Variants in EBF3 observed in about 807,000 individuals in gnomAD.
EBF3 encodes the protein EBF transcription factor 3.
EBF3 carries 18 observed loss-of-function variants against 77.1 expected under a neutral mutation model. The observed-to-expected ratio is 0.23, with a 90% CI of 0.16 to 0.35. The LOEUF (loss-of-function observed/expected upper bound fraction) is 0.35, where lower values mean the gene tolerates loss of function less well. EBF3 is among the 10% of genes least tolerant of loss of function. EBF3 has a pLI of 1.00. For missense variants in EBF3, 558 were observed against 860.0 expected (o/e 0.65, Z 4.39); for synonymous variants, 350 against 343.5 (o/e 1.02, Z -0.21).
At position 129,870,047 on chromosome 10, in the gene EBF3, A is replaced by AG. The variant is rs1375301900; in HGVS notation, c.782-2136dup. Among the ~76,000 whole-genome samples the AG allele has an allele frequency of 2.6e-5, 4 of 152,158 alleles. No individual in the cohort carries two copies. Among genetic ancestry groups the AG allele is most frequent in the Non-Finnish European group, 5.9e-5 (4 of 68,030 alleles). The stretch of plus-strand genomic sequence containing the variant: ...ACTTTGGAGGTGAGAAAAGAAAAAA[A>AG]GAATCCAGGATCTACTGCATGCACA... On this transcript the variant is annotated intron_variant, in intron 8 of 16. Coordinates refer to ENST00000440978, the MANE Select transcript of EBF3 (RefSeq NM_001375380.1). This position sits in a 1 kb window ranked among gnomAD's most constrained non-coding sequence, Gnocchi z 4.4.
chr10:129,896,998 T>A (rs1854440456), intron 6 of EBF3, among the ~76,000 whole-genome samples: 1 of 151,988 alleles, frequency 6.6e-6, no homozygotes, highest in African/African-American at 2.4e-5. Flanking sequence ...GCCTCTTCCA[T>A]CAATCTGACT....
intron 6 of EBF3, among the ~76,000 whole-genome samples, chr10:129,953,026 T>C (rs1858779944): frequency 7.0e-6 from 1 of 142,950 alleles, no homozygotes; most frequent in Non-Finnish European, 1.5e-5. Flanking sequence ...GGAAACACTG[T>C]TGACTAAAAA....
chr10:129,948,088 C>T (rs1253793378), intron 6 of EBF3, among the ~76,000 whole-genome samples: 1 of 151,832 alleles, frequency 6.6e-6, no homozygotes, highest in Admixed American at 6.6e-5. Context: ...GAAACCCCGT[C>T]TCTACTACAA....
chr10:129,941,589 G>A (rs1443794754), intron 6 of EBF3, among the ~76,000 whole-genome samples: 1 of 152,172 alleles, frequency 6.6e-6, no homozygotes, highest in African/African-American at 2.4e-5. Flanking sequence ...GAGCCCTCCA[G>A]GCCCAAAGCG....
At chr10:129,880,862 G>A (rs1047283059) in intron 6 of EBF3, among the ~76,000 whole-genome samples, 3 of 152,324 alleles carry the variant, frequency 2.0e-5, no homozygotes, top group Non-Finnish European at 2.9e-5. Context: ...GGCTGGCACC[G>A]TACAGCAGGT....
At chr10:129,876,482 C>T (rs537989582) in intron 7 of EBF3, among the ~76,000 whole-genome samples, 3 of 152,224 alleles carry the variant, frequency 2.0e-5, no homozygotes, top group South Asian at 2.1e-4. Context: ...AAACACTGTC[C>T]CCAGCTGCAG....
At chr10:129,882,759 G>A (rs765491184) in intron 6 of EBF3, among the ~76,000 whole-genome samples, 1 of 152,236 alleles carries the variant, frequency 6.6e-6, no homozygotes, top group Non-Finnish European at 1.5e-5. Flanking sequence ...ATGTTTCCAT[G>A]TAGCTAAGAA....
At chr10:129,946,198 C>G (rs1417002423) in intron 6 of EBF3, among the ~76,000 whole-genome samples, 2 of 152,230 alleles carry the variant, frequency 1.3e-5, no homozygotes, top group African/African-American at 4.8e-5. Flanking sequence ...TGGCCTCGCG[C>G]GGACCCGCCC....
intron 6 of EBF3, among the ~76,000 whole-genome samples, chr10:129,895,762 C>T (rs1192182639): frequency 6.9e-6 from 1 of 144,046 alleles, no homozygotes; most frequent in Admixed American, 6.9e-5. Context: ...CTTTTGATTA[C>T]TTTCCTATCA....
At chr10:129,940,345 G>A (rs1219691748) in intron 6 of EBF3, among the ~76,000 whole-genome samples, 1 of 152,136 alleles carries the variant, frequency 6.6e-6, no homozygotes, top group Non-Finnish European at 1.5e-5. Flanking sequence ...CAAAGGCAGA[G>A]CCCCCTAGCC....
chr10:129,944,093 G>A lies in EBF3; in HGVS notation c.554+13165C>T, dbSNP rs149542185. On this transcript the variant is annotated intron_variant, in intron 6 of 16. Coordinates refer to ENST00000440978, the MANE Select transcript of EBF3 (RefSeq NM_001375380.1). The surrounding 1 kb of genome is among the most constrained non-coding windows in gnomAD (Gnocchi z 5.1). ...ACCGTGGGAAAAGAAAAATATCACC[G>A]TTCTAGTAATCAAGTTATTCCTGTA... Among the ~76,000 whole-genome samples the A allele has an allele frequency of 1.3e-3, 194 of 152,190 alleles. 1 individual carries two copies. Among genetic ancestry groups the A allele is most frequent in the Middle Eastern group, 3.4e-3 (1 of 294 alleles).
In EBF3 at chr10:129,958,982, T is replaced by C. The variant is rs1397587776; in HGVS notation, c.437A>G (p.Lys146Arg). ...CAGCACACGGCACATCTCCGGGTTC[T>C]TGTCCTGGCCCTCGTAGACGATGGC... ...KQAIVYEGQD[K>R]NPEMCRVLLT... is the part of the protein sequence containing the mutation. The change falls in exon 5 of 17, where the codon AAG becomes AGG. Residue 146 changes from lysine to arginine, a missense_variant. Lys to Arg is a conservative substitution (Grantham distance 26). Around this residue, in one of 5 missense-constraint regions of EBF3, gnomAD observed 84 missense variants for 142.3 expected, o/e 0.59. Coordinates refer to ENST00000440978, the MANE Select transcript of EBF3 (RefSeq NM_001375380.1). 6.2e-7 allele frequency: 1 copy of C among 1,600,934 alleles called. No homozygotes were observed. Among genetic ancestry groups the C allele is most frequent in the Admixed American group, 1.7e-5 (1 of 59,112 alleles).
At chr10:129,929,584 T>C (rs911534383) in intron 6 of EBF3, among the ~76,000 whole-genome samples, 10 of 152,186 alleles carry the variant, frequency 6.6e-5, no homozygotes, top group Non-Finnish European at 1.3e-4. Flanking sequence ...GAAATAGAAT[T>C]TGGAGCAAGG....
intron 6 of EBF3, among the ~76,000 whole-genome samples, chr10:129,951,236 C>T (rs1345749395): frequency 1.3e-5 from 2 of 152,334 alleles, no homozygotes; most frequent in South Asian, 2.1e-4. Context: ...TGTAAGCATG[C>T]GTAACAGAAC....
chr10:129,930,463 C>T (rs978947513), intron 6 of EBF3, among the ~76,000 whole-genome samples: 1 of 150,152 alleles, frequency 6.7e-6, no homozygotes, highest in Non-Finnish European at 1.5e-5. Context: ...CTGTCTATGT[C>T]TATCTCTATA....
intron 10 of EBF3, among the ~76,000 whole-genome samples, chr10:129,862,063 C>T (rs1478940409): frequency 6.6e-6 from 1 of 152,124 alleles, no homozygotes; most frequent in African/African-American, 2.4e-5. Context: ...CCAGGAGACA[C>T]GGGAGAAACC....
chr10:129,925,604 AAAAG>A (rs1171494674), intron 6 of EBF3, among the ~76,000 whole-genome samples: 274 of 151,222 alleles, frequency 1.8e-3, no homozygotes, highest in Non-Finnish European at 3.1e-3. Flanking sequence ...AAAAAAAAAA[AAAAG>A]AAAGAAAGAA....
intron 11 of EBF3, among the ~76,000 whole-genome samples, chr10:129,844,630 A>C (rs956710624): frequency 6.6e-6 from 1 of 152,062 alleles, no homozygotes; most frequent in Admixed American, 6.6e-5. Flanking sequence ...TACGGGCATC[A>C]CTTTTTGTGC....
chr10:129,850,050 C>T (rs760467559), intron 10 of EBF3, among the ~76,000 whole-genome samples: 1 of 152,256 alleles, frequency 6.6e-6, no homozygotes, highest in Non-Finnish European at 1.5e-5. Flanking sequence ...CGTGCGCAGT[C>T]GCCCAGCCTC....
Sources: gnomAD v4.1 joint callset for allele counts (sites outside exome capture counted in the v4.1 genomes callset) on GRCh38, gnomAD v4.1.1 for gene constraint, gnomAD v4.1.1 regional missense constraint, Gnocchi (gnomAD v3.1) non-coding constraint, MANE v1.5 for transcripts, NCBI Gene and HGNC (gene_info 2026-07-23, HGNC 2026-07-21) for gene names.